The following STAT5B variants were observed in gnomAD, a reference collection of about 807,000 sequenced individuals.
The protein encoded by STAT5B is signal transducer and activator of transcription 5B.
A neutral mutation model predicts 107.8 loss-of-function variants in STAT5B; 21 were observed. The ratio of observed to expected loss-of-function variants is 0.19; its 90% confidence interval spans 0.14 to 0.28. The LOEUF is 0.28. Ranked by LOEUF, STAT5B falls within the 10% of genes least tolerant of loss-of-function variation. The pLI is 1.00. For missense variants in STAT5B, 565 were observed against 1,008.2 expected, an observed-to-expected ratio of 0.56 and a Z score of 5.95; for synonymous variants, 325 against 401.7, an observed-to-expected ratio of 0.81 and a Z score of 2.28.
At chr17:42,275,876 G>C (rs1160614562) in intron 1 of STAT5B, among the ~76,000 whole-genome samples, 1 of 152,084 alleles carries the variant, frequency 6.6e-6, no homozygotes, top group Admixed American at 6.5e-5. Flanking sequence ...GGGATATTCG[G>C]AATTGCAACG....
chr17:42,271,700 T>G (rs1197406835), intron 1 of STAT5B: 6 of 152,144 alleles, frequency 3.9e-5, no homozygotes, highest in Non-Finnish European at 8.8e-5. Context: ...TCTTCATCAA[T>G]CAATCAATAC....
chr17:42,275,675 G>C (rs1379311654), intron 1 of STAT5B: 2 of 152,188 alleles, frequency 1.3e-5, no homozygotes, highest in East Asian at 1.9e-4. Flanking sequence ...GGCGGGTCCT[G>C]ATGTGGGATC....
chr17:42,221,016 C>A (rs1487098771), intron 5 of STAT5B, among the ~76,000 whole-genome samples: 1 of 145,364 alleles, frequency 6.9e-6, no homozygotes, highest in Non-Finnish European at 1.5e-5. Flanking sequence ...TCAGAAGATG[C>A]GCGCACCAGC....
chr17:42,221,265 C>A (rs1024885448), intron 5 of STAT5B, among the ~76,000 whole-genome samples: 3 of 152,158 alleles, frequency 2.0e-5, no homozygotes, highest in African/African-American at 4.8e-5. Context: ...TCCTGCCCAG[C>A]CACAGGGAGG....
intron 1 of STAT5B, chr17:42,234,200 G>A (rs1356794175): frequency 2.6e-5 from 4 of 152,202 alleles, no homozygotes; most frequent in African/African-American, 9.7e-5. Context: ...GTAGTTGTCT[G>A]ATCACGTAAC....
At chr17:42,206,718 G>C (rs1372569215) in intron 16 of STAT5B, among the ~76,000 whole-genome samples, 1 of 151,526 alleles carries the variant, frequency 6.6e-6, no homozygotes, top group African/African-American at 2.4e-5. Flanking sequence ...TGGGATTACA[G>C]GCATGCGCCA....
chr17:42,212,887 A>G (rs1254820491), intron 12 of STAT5B, among the ~76,000 whole-genome samples: 2 of 152,222 alleles, frequency 1.3e-5, no homozygotes, highest in Non-Finnish European at 2.9e-5. Context: ...CCAGCAACCC[A>G]GTTCTTTTCT....
At chr17:42,250,470 A>C (rs2144357424) in intron 1 of STAT5B, among the ~76,000 whole-genome samples, 1 of 152,334 alleles carries the variant, frequency 6.6e-6, no homozygotes, top group South Asian at 2.1e-4. Flanking sequence ...TTCATCACCA[A>C]ACCTTAAATA....
chr17:42,205,272 C>A (rs749202895), intron 16 of STAT5B, among the ~76,000 whole-genome samples: 44 of 152,082 alleles, frequency 2.9e-4, no homozygotes, highest in Non-Finnish European at 3.8e-4. Flanking sequence ...CTCAAGTGAT[C>A]CACCTGCCTT....
chr17:42,220,830 A>T (rs2080219564), intron 5 of STAT5B, among the ~76,000 whole-genome samples: 1 of 152,114 alleles, frequency 6.6e-6, no homozygotes, highest in Non-Finnish European at 1.5e-5. Context: ...GGAACGTGGA[A>T]CACAGGAGCA....
At chr17:42,217,597 C>T in intron 9 of STAT5B, 133 bp from the exon 10 acceptor site, 1 of 855,924 alleles carries the variant, frequency 1.2e-6, no homozygotes, top group Non-Finnish European at 1.9e-6. Context: ...GAAATGTTAG[C>T]TACATAACAC....
upstream of STAT5B, among the ~76,000 whole-genome samples, chr17:42,281,379 C>T (rs1410159015): frequency 6.6e-6 from 1 of 152,160 alleles, no homozygotes; most frequent in Non-Finnish European, 1.5e-5. Context: ...TAACTTTTCA[C>T]CACATACCCT....
intron 18 of STAT5B, 123 bp downstream of exon 18, chr17:42,202,211 CGGGCCA>C (rs1393903068): frequency 8.0e-6 from 9 of 1,127,514 alleles, no homozygotes; most frequent in African/African-American, 1.6e-5. Context: ...GGCCAGAGCC[CGGGCCA>C]GGGCTGTGTG....
chr17:42,241,550 C>T (rs1389411830), intron 1 of STAT5B, among the ~76,000 whole-genome samples: 1 of 151,286 alleles, frequency 6.6e-6, no homozygotes, highest in Non-Finnish European at 1.5e-5. Context: ...TCAAGAGATT[C>T]TCCTGCCTTA....
chr17:42,211,073 T>C (rs911965979), intron 13 of STAT5B, among the ~76,000 whole-genome samples: 18 of 150,788 alleles, frequency 1.2e-4, no homozygotes, highest in South Asian at 6.3e-4. Flanking sequence ...TGGTGGCGGG[T>C]GCCTGTAATC....
rs766981517 is a variant in STAT5B, at chr17:42,201,914, A to T, written c.2238-50T>A. ...AAGGGAAGGGGAAAGCCTGCCAGAG[A>T]CCACCCCAAGCCCCACAGGCCACCA... is the stretch of plus-strand genomic sequence containing the variant. On this transcript the variant is annotated intron_variant, in intron 18 of 18. Transcript: ENST00000293328. The T allele has an allele frequency of 5.0e-6, 8 of 1,591,492 alleles. 1 individual carries two copies.
chr17:42,268,329 T>G (rs972693235), intron 1 of STAT5B, among the ~76,000 whole-genome samples: 1 of 152,206 alleles, frequency 6.6e-6, no homozygotes, highest in Non-Finnish European at 1.5e-5. Context: ...AGTATACATG[T>G]TCCACAGGTT....
intron 1 of STAT5B, among the ~76,000 whole-genome samples, chr17:42,238,437 C>T (rs1217135228): frequency 6.7e-6 from 1 of 148,320 alleles, no homozygotes; most frequent in Non-Finnish European, 1.5e-5. Flanking sequence ...GAGGCACAAG[C>T]CATTGTGCCT....
intron 1 of STAT5B, among the ~76,000 whole-genome samples, chr17:42,260,577 T>TTTG (rs932924907): frequency 4.0e-5 from 6 of 151,730 alleles, no homozygotes; most frequent in East Asian, 1.9e-4. Flanking sequence ...CCTAGCTAAT[T>TTTG]TTGTTGTTGT....
Sources: allele counts gnomAD v4.1 joint callset (sites outside exome capture counted in the v4.1 genomes callset), GRCh38; gene constraint gnomAD v4.1.1; transcripts MANE v1.5; gene names NCBI Gene and HGNC (gene_info 2026-07-23, HGNC 2026-07-21).